RFX4: variants seen among roughly 807,000 people sequenced by gnomAD.
The protein encoded by RFX4 is transcription factor RFX4.
Under a neutral mutation model 95.0 loss-of-function variants are expected in RFX4, and 10 were observed. The ratio of observed to expected loss-of-function variants is 0.11; its 90% CI spans 0.06 to 0.18. The LOEUF (loss-of-function observed/expected upper bound fraction) is 0.18, where lower values mean the gene tolerates loss of function less well. RFX4 is among the 10% of genes least tolerant of loss of function. The pLI is 1.00. For synonymous variants in RFX4, 321 were observed against 340.7 expected, an observed-to-expected ratio of 0.94 and a Z score of 0.64; for missense variants, 640 against 922.0, an observed-to-expected ratio of 0.69 and a Z score of 3.96.
chr12:106,732,300 T>A (rs750909129), intron 14 of RFX4, 51 bp downstream of exon 14: 34 of 1,604,680 alleles, frequency 2.1e-5, no homozygotes, highest in Non-Finnish European at 2.6e-5. Flanking sequence ...GTTATTTGTA[T>A]CCTTACTTCT....
intron 2 of RFX4, among the ~76,000 whole-genome samples, chr12:106,614,590 G>C (rs953235530): frequency 6.7e-5 from 10 of 148,658 alleles, no homozygotes; most frequent in Admixed American, 3.4e-4. Flanking sequence ...CTCACTGCAA[G>C]CTCCGCCTCC....
intron 2 of RFX4, among the ~76,000 whole-genome samples, chr12:106,613,691 T>C (rs770593968): frequency 1.6e-4 from 24 of 152,128 alleles, no homozygotes; most frequent in Non-Finnish European, 3.1e-4. Context: ...GGGATATTAG[T>C]CTGTAGTTTT....
At chr12:106,746,274 C>A (rs1007542512) in intron 15 of RFX4, among the ~76,000 whole-genome samples, 1 of 150,594 alleles carries the variant, frequency 6.6e-6, no homozygotes, top group Admixed American at 6.7e-5. Flanking sequence ...GAGAATCACT[C>A]GAACCCAGGA....
At chr12:106,714,113 A>G (rs2042244648) in intron 10 of RFX4, among the ~76,000 whole-genome samples, 1 of 149,080 alleles carries the variant, frequency 6.7e-6, no homozygotes. Flanking sequence ...ACACTTGCTT[A>G]CAGAATTCAC....
intron 2 of RFX4, among the ~76,000 whole-genome samples, chr12:106,613,713 G>A (rs1024627822): frequency 6.6e-6 from 1 of 152,060 alleles, no homozygotes; most frequent in Non-Finnish European, 1.5e-5. Flanking sequence ...TTTTCTTGTA[G>A]TATCTTTGTC....
intron 1 of RFX4, among the ~76,000 whole-genome samples, chr12:106,591,206 T>C (rs2039536856): frequency 6.6e-6 from 1 of 151,684 alleles, no homozygotes; most frequent in African/African-American, 2.4e-5. Context: ...CGTAGCATTT[T>C]AGCAAAAGTA....
At chr12:106,662,640 C>G (rs915432883) in intron 4 of RFX4, among the ~76,000 whole-genome samples, 2 of 152,004 alleles carry the variant, frequency 1.3e-5, no homozygotes, top group African/African-American at 4.8e-5. Flanking sequence ...ATCATCATAC[C>G]CAAGGTCATC....
intron 2 of RFX4, among the ~76,000 whole-genome samples, chr12:106,623,934 C>A (rs1292698597): frequency 6.6e-6 from 1 of 152,198 alleles, no homozygotes; most frequent in African/African-American, 2.4e-5. Context: ...CCTCCAGGAC[C>A]CAGGCTGTTT....
intron 17 of RFX4, among the ~76,000 whole-genome samples, chr12:106,760,855 T>C (rs2043196575): frequency 6.6e-6 from 1 of 152,154 alleles, no homozygotes; most frequent in African/African-American, 2.4e-5. Flanking sequence ...CAGTTACTAG[T>C]GTATGTGTGT....
chr12:106,610,863 C>CT (rs987262316), intron 2 of RFX4, among the ~76,000 whole-genome samples: 3 of 152,148 alleles, frequency 2.0e-5, no homozygotes, highest in African/African-American at 7.2e-5. Context: ...TATGGTAACT[C>CT]TGTGTTTAAT....
At chr12:106,607,299 A>T (rs1031025538) in intron 1 of RFX4, among the ~76,000 whole-genome samples, 2 of 152,194 alleles carry the variant, frequency 1.3e-5, no homozygotes, top group Admixed American at 6.5e-5. Flanking sequence ...GACACATAAT[A>T]AAAGATAGAA....
chr12:106,745,206 C>G (rs901273051), intron 15 of RFX4, among the ~76,000 whole-genome samples: 1 of 152,092 alleles, frequency 6.6e-6, no homozygotes, highest in African/African-American at 2.4e-5. Context: ...TATTGCTATA[C>G]ACTCCCTTAA....
At chr12:106,614,453 C>T (rs1456946902) in intron 2 of RFX4, among the ~76,000 whole-genome samples, 1 of 150,572 alleles carries the variant, frequency 6.6e-6, no homozygotes, top group Admixed American at 6.6e-5. Context: ...GCCCCTGTGC[C>T]CGGCCCTTCT....
intron 17 of RFX4, among the ~76,000 whole-genome samples, chr12:106,760,633 T>C (rs1205553304): frequency 1.3e-5 from 2 of 152,200 alleles, no homozygotes; most frequent in East Asian, 1.9e-4. Flanking sequence ...ACCTTCGAAA[T>C]TGTTGACTTG....
chr12:106,732,085 C>T (rs368108295), intron 13 of RFX4, 45 bp from the exon 14 acceptor site: 345 of 1,602,964 alleles, frequency 2.2e-4, no homozygotes, highest in Middle Eastern at 8.3e-4. Flanking sequence ...GGGGCATACA[C>T]GAGACAGCAC....
chr12:106,735,519 G>T (rs2042693688), intron 15 of RFX4, among the ~76,000 whole-genome samples: 1 of 152,118 alleles, frequency 6.6e-6, no homozygotes, highest in African/African-American at 2.4e-5. Flanking sequence ...TTTCCCCAAA[G>T]AAAATGTATA....
At chr12:106,745,487 A>T (rs1169871585) in intron 15 of RFX4, among the ~76,000 whole-genome samples, 1 of 152,332 alleles carries the variant, frequency 6.6e-6, no homozygotes, top group Admixed American at 6.5e-5. Flanking sequence ...CACCATTTCC[A>T]CATTTCTTCA....
chr12:106,634,044 G>T (rs2040466235), intron 2 of RFX4, among the ~76,000 whole-genome samples: 1 of 152,014 alleles, frequency 6.6e-6, no homozygotes, highest in Non-Finnish European at 1.5e-5. Flanking sequence ...GCATGTGCTT[G>T]TGTGTGAAAG....
At chr12:106,651,696 C>G (rs181535999) in intron 3 of RFX4, among the ~76,000 whole-genome samples, 18 of 152,280 alleles carry the variant, frequency 1.2e-4, no homozygotes, top group Admixed American at 4.6e-4. Context: ...AGAAAATAGA[C>G]AGGGTACAAA....
Sources: allele counts gnomAD v4.1 joint callset (sites outside exome capture counted in the v4.1 genomes callset), GRCh38; gene constraint gnomAD v4.1.1; transcripts MANE v1.5; gene names NCBI Gene and HGNC (gene_info 2026-07-23, HGNC 2026-07-21).